The following RTN1 variants were observed in gnomAD, a reference collection of about 807,000 sequenced individuals.
RTN1 encodes the protein reticulon-1.
A neutral mutation model predicts 65.5 loss-of-function variants in RTN1; 25 were observed. That is an observed-to-expected ratio of 0.38 (90% confidence interval 0.28 to 0.53). The LOEUF is 0.53. Among genes scored for constraint, RTN1 ranks in the 20% least tolerant of loss-of-function variants. The pLI, the probability that RTN1 is intolerant of heterozygous loss-of-function variation, is 0.79. For missense variants in RTN1, 983 were observed against 1,025.4 expected, an observed-to-expected ratio of 0.96 and a Z score of 0.57; for synonymous variants, 471 against 447.6, an observed-to-expected ratio of 1.05 and a Z score of -0.66.
intron 3 of RTN1, among the ~76,000 whole-genome samples, chr14:59,672,802 G>A (rs1448753156): frequency 1.0e-4 from 15 of 149,852 alleles, no homozygotes; most frequent in Admixed American, 2.7e-4. Context: ...CACCGCGCCT[G>A]GCTAATTTTT....
chr14:59,721,020 A>G (rs1464140185), intron 3 of RTN1, among the ~76,000 whole-genome samples: 1 of 152,034 alleles, frequency 6.6e-6, no homozygotes, highest in African/African-American at 2.4e-5. Context: ...TTTTTTTAGA[A>G]TTATGAGAAG....
At chr14:59,602,085 C>T (rs1881596439) in intron 8 of RTN1, among the ~76,000 whole-genome samples, 1 of 152,020 alleles carries the variant, frequency 6.6e-6, no homozygotes, top group Non-Finnish European at 1.5e-5. Flanking sequence ...CAGTAAAAAA[C>T]AAAAGTTTAT....
intron 3 of RTN1, chr14:59,609,991 T>C (rs1881896165): frequency 1.5e-6 from 1 of 665,160 alleles, no homozygotes; most frequent in Non-Finnish European, 2.7e-6. Flanking sequence ...CACTCCTTAG[T>C]GTGAAGGAAG....
chr14:59,728,619 T>A (rs1884833935), intron 2 of RTN1, among the ~76,000 whole-genome samples: 1 of 152,162 alleles, frequency 6.6e-6, no homozygotes. Context: ...AAGGGCTTTA[T>A]TTTAGAATAT....
intron 1 of RTN1, among the ~76,000 whole-genome samples, chr14:59,847,160 T>C (rs1052575701): frequency 1.3e-5 from 2 of 152,224 alleles, no homozygotes; most frequent in Non-Finnish European, 2.9e-5. Context: ...ATGTAGATCA[T>C]GTACATACTT....
chr14:59,652,724 A>C (rs1388155319), intron 3 of RTN1, among the ~76,000 whole-genome samples: 1 of 152,160 alleles, frequency 6.6e-6, no homozygotes, highest in Non-Finnish European at 1.5e-5. Flanking sequence ...ATTGGGTACT[A>C]GGCTTAGTAC....
intron 1 of RTN1, among the ~76,000 whole-genome samples, chr14:59,858,237 C>G (rs1240995284): frequency 6.6e-6 from 1 of 152,186 alleles, no homozygotes; most frequent in East Asian, 1.9e-4. Flanking sequence ...ATCAGTGCTT[C>G]TTACAGCTTT....
At chr14:59,806,959 G>A (rs537507181) in intron 1 of RTN1, among the ~76,000 whole-genome samples, 14 of 152,270 alleles carry the variant, frequency 9.2e-5, no homozygotes, top group Admixed American at 1.3e-4. Flanking sequence ...ATTTGGCTGC[G>A]CCCTCAAAAG....
intron 3 of RTN1, among the ~76,000 whole-genome samples, chr14:59,623,723 A>T (rs1196489064): frequency 6.6e-6 from 1 of 152,248 alleles, no homozygotes; most frequent in Non-Finnish European, 1.5e-5. Flanking sequence ...TTGTAGTGGA[A>T]TAGAAAAGAA....
At position 59,870,586 on chromosome 14, in the gene RTN1, G is replaced by A; in HGVS notation, c.45C>T (p.Ala15=). 6.9e-7 allele frequency: 1 copy of A among 1,446,710 alleles called. No individual in the cohort carries two copies. Among genetic ancestry groups the A allele is most frequent in the Non-Finnish European group, 9.1e-7 (1 of 1,104,412 alleles). 89.6% of individuals were successfully genotyped at this position (1,446,710 alleles called of 1,614,324 possible). The change falls in exon 1 of 9, where the codon GCC becomes GCT. Residue 15 remains alanine, a synonymous_variant. Coordinates refer to ENST00000267484, the MANE Select transcript of RTN1 (RefSeq NM_021136.3). The surrounding 1 kb of genome is among the most constrained non-coding windows in gnomAD (Gnocchi z 5.1). ...GCCTGAGCCACTGGGACCCGGGGCC[G>A]GCCAGCGGCAGCAGCTCGTCCTGCG... ...GDPQDELLPL[A]GPGSQWLRHR...
intron 3 of RTN1, among the ~76,000 whole-genome samples, chr14:59,643,718 A>G (rs975250129): frequency 1.3e-5 from 2 of 152,226 alleles, no homozygotes; most frequent in Non-Finnish European, 2.9e-5. Flanking sequence ...GAAAAGATAG[A>G]TCAGTCAGAT....
At chr14:59,660,668 A>G (rs951360172) in intron 3 of RTN1, among the ~76,000 whole-genome samples, 5 of 152,226 alleles carry the variant, frequency 3.3e-5, no homozygotes, top group African/African-American at 7.2e-5. Flanking sequence ...GAAGAAATAA[A>G]TAAGTTATTT....
intron 3 of RTN1, among the ~76,000 whole-genome samples, chr14:59,705,533 G>A (rs547685706): frequency 6.6e-6 from 1 of 152,204 alleles, no homozygotes; most frequent in South Asian, 2.1e-4. Flanking sequence ...GATTACTTTA[G>A]GACAACTCAA....
intron 1 of RTN1, among the ~76,000 whole-genome samples, chr14:59,759,345 A>C (rs1024853812): frequency 1.3e-5 from 2 of 152,156 alleles, no homozygotes; most frequent in African/African-American, 4.8e-5. Context: ...GGCTTGGAAT[A>C]CCGACTCCCC....
chr14:59,834,246 C>CTTT (rs1406738354), intron 1 of RTN1, among the ~76,000 whole-genome samples: 1 of 151,970 alleles, frequency 6.6e-6, no homozygotes, highest in Non-Finnish European at 1.5e-5. Context: ...AAACCTGAAA[C>CTTT]TATAAAATTT....
At chr14:59,812,843 T>C (rs1171927881) in intron 1 of RTN1, among the ~76,000 whole-genome samples, 1 of 152,230 alleles carries the variant, frequency 6.6e-6, no homozygotes, top group African/African-American at 2.4e-5. Flanking sequence ...TATAGCACAA[T>C]CTTTCAATAA....
At chr14:59,683,696 C>A (rs1448455040) in intron 3 of RTN1, among the ~76,000 whole-genome samples, 1 of 152,060 alleles carries the variant, frequency 6.6e-6, no homozygotes, top group Admixed American at 6.5e-5. Context: ...TAGTAGGTCC[C>A]TTGAAGGGCT....
chr14:59,726,989 C>G lies in RTN1; in HGVS notation c.1695G>C (p.Ala565=). 1 of 1,613,380 alleles carries G rather than the reference C, an allele frequency of 6.2e-7. No individual in the cohort carries two copies. Among genetic ancestry groups the G allele is most frequent in the Non-Finnish European group, 8.5e-7 (1 of 1,179,712 alleles). ...EEDSSSNQSP[A]ATKGPGPLGP... ...CTAGAGGCCCAGGGCCCTTTGTGGC[C>G]GCAGGACTTTGGTTGGAACTCGAGT... Residue 565 remains alanine, a synonymous_variant, in exon 3 of 9, where the codon GCG becomes GCC. Transcript: ENST00000267484.
chr14:59,841,989 G>C (rs530052047), intron 1 of RTN1, among the ~76,000 whole-genome samples: 1 of 152,140 alleles, frequency 6.6e-6, no homozygotes, highest in African/African-American at 2.4e-5. Context: ...AGCTGGGCAT[G>C]GTGGTGCGTG....
Sources: allele counts gnomAD v4.1 joint callset (sites outside exome capture counted in the v4.1 genomes callset), GRCh38; gene constraint gnomAD v4.1.1; non-coding constraint Gnocchi (gnomAD v3.1); transcripts MANE v1.5; gene names NCBI Gene and HGNC (gene_info 2026-07-23, HGNC 2026-07-21).